SORCS2: variants seen among roughly 807,000 people sequenced by gnomAD.
SORCS2 encodes sortilin related VPS10 domain containing receptor 2.
A neutral mutation model predicts 141.6 loss-of-function variants in SORCS2; 100 were observed. The ratio of observed to expected loss-of-function variants is 0.71; its 90% confidence interval spans 0.60 to 0.83. The LOEUF is 0.83. Ranked by LOEUF, SORCS2 falls within the 40% of genes least tolerant of loss-of-function variation. The pLI, the probability that SORCS2 is intolerant of heterozygous loss-of-function variation, is 0.00. For synonymous variants in SORCS2, 789 were observed against 676.9 expected (o/e 1.17, Z -2.57); for missense variants, 1,646 against 1,560.2 (o/e 1.05, Z -0.93).
At chr4:7,370,009 A>C (rs1230243209) in intron 1 of SORCS2, among the ~76,000 whole-genome samples, 1 of 152,166 alleles carries the variant, frequency 6.6e-6, no homozygotes, top group African/African-American at 2.4e-5. Context: ...CTCCTCGATA[A>C]AATAGAGATA....
chr4:7,234,240 G>C (rs1240693515), intron 1 of SORCS2, among the ~76,000 whole-genome samples: 1 of 152,238 alleles, frequency 6.6e-6, no homozygotes, highest in African/African-American at 2.4e-5. Context: ...GCTGCCTGGG[G>C]CCGAGAATAG....
chr4:7,289,041 C>T (rs1716434383), intron 1 of SORCS2, among the ~76,000 whole-genome samples: 1 of 152,130 alleles, frequency 6.6e-6, no homozygotes, highest in African/African-American at 2.4e-5. Context: ...TCAATCATCC[C>T]TCTCCCTTGG....
At chr4:7,665,263 C>G (rs6819250) in intron 7 of SORCS2, among the ~76,000 whole-genome samples, 121,052 of 152,110 alleles carry the variant, frequency 0.8, 48,238 homozygotes, top group Admixed American at 0.85. Context: ...TACACTCAGT[C>G]TGTGCCAAGG....
chr4:7,232,120 T>C (rs981254680), intron 1 of SORCS2, among the ~76,000 whole-genome samples: 4 of 152,140 alleles, frequency 2.6e-5, no homozygotes, highest in South Asian at 2.1e-4. Flanking sequence ...CTGTCTTGCA[T>C]AGCTTGGGGC....
chr4:7,260,817 A>G (rs1021996153), intron 1 of SORCS2, among the ~76,000 whole-genome samples: 1 of 152,180 alleles, frequency 6.6e-6, no homozygotes, highest in Non-Finnish European at 1.5e-5. Context: ...AAAGCCGGGA[A>G]GACATGGTGT....
chr4:7,411,401 T>G (rs1040768377), intron 2 of SORCS2, among the ~76,000 whole-genome samples: 8 of 152,008 alleles, frequency 5.3e-5, no homozygotes, highest in Admixed American at 2.0e-4. Context: ...CTTCCCTTGC[T>G]CCCCCTTTCC....
chr4:7,665,631 C>T (rs1341908843), intron 7 of SORCS2, among the ~76,000 whole-genome samples: 1 of 152,130 alleles, frequency 6.6e-6, no homozygotes, highest in Non-Finnish European at 1.5e-5. Context: ...AGTCCAGGCC[C>T]CACTGTGTCA....
At chr4:7,373,007 T>G (rs1231365329) in intron 1 of SORCS2, among the ~76,000 whole-genome samples, 3 of 29,842 alleles carry the variant, frequency 1.0e-4, no homozygotes, top group East Asian at 5.1e-4. Context: ...GTGGTTTCTG[T>G]TTTTTTTTTT....
rs375645794 is a variant in SORCS2, at chr4:7,661,606, C to A, written c.952+42C>A. 6.2e-4 allele frequency: 956 copies of A among 1,536,158 alleles called. 1 individual carries two copies. The highest frequency in any genetic ancestry group is 7.6e-4 in the Non-Finnish European group (856 of 1,133,384). Reference sequence around the variant, plus strand: ...ACAGGCACCGGGTATCCCTGAGTCACCTCGCACCCGACACAGCTCGGCTGC... The same window carrying A: ...ACAGGCACCGGGTATCCCTGAGTCAACTCGCACCCGACACAGCTCGGCTGC... On this transcript the variant is annotated intron_variant, in intron 6 of 26. Transcript: ENST00000507866.
chr4:7,256,945 A>G (rs895599192), intron 1 of SORCS2, among the ~76,000 whole-genome samples: 3 of 151,986 alleles, frequency 2.0e-5, no homozygotes, highest in Non-Finnish European at 4.4e-5. Context: ...CATCCTTTGG[A>G]TGTAGGTGTC....
At chr4:7,550,618 G>A (rs1041047257) in intron 3 of SORCS2, among the ~76,000 whole-genome samples, 1 of 152,220 alleles carries the variant, frequency 6.6e-6, no homozygotes, top group Non-Finnish European at 1.5e-5. Context: ...TAGCCACACA[G>A]CTGCTGTTAC....
At chr4:7,532,976 T>C (rs1711786653) in intron 3 of SORCS2, among the ~76,000 whole-genome samples, 1 of 151,898 alleles carries the variant, frequency 6.6e-6, no homozygotes, top group Admixed American at 6.6e-5. Context: ...TCTCGGCGTG[T>C]AGGGAAGAGA....
At chr4:7,373,490 T>C (rs1214909998) in intron 1 of SORCS2, among the ~76,000 whole-genome samples, 1 of 76,794 alleles carries the variant, frequency 1.3e-5, no homozygotes, top group Non-Finnish European at 2.3e-5. Context: ...TTTTTTTTTT[T>C]TTTTTTTTTT....
chr4:7,369,382 T>C (rs569888106), intron 1 of SORCS2, among the ~76,000 whole-genome samples: 38 of 152,300 alleles, frequency 2.5e-4, no homozygotes, highest in African/African-American at 9.1e-4. Context: ...TATGTCTTTA[T>C]CAGCAGCATG....
chr4:7,403,810 A>C (rs1032908590), intron 2 of SORCS2, among the ~76,000 whole-genome samples: 2 of 150,144 alleles, frequency 1.3e-5, no homozygotes, highest in Admixed American at 6.6e-5. Context: ...ACATGTGTAG[A>C]TTGCATAATG....
intron 1 of SORCS2, among the ~76,000 whole-genome samples, chr4:7,293,647 C>T (rs1716760489): frequency 6.6e-6 from 1 of 152,164 alleles, no homozygotes; most frequent in South Asian, 2.1e-4. Context: ...TTTCTGTAGG[C>T]AGGGATGGCA....
chr4:7,666,947 G>A (rs772398750), intron 7 of SORCS2, among the ~76,000 whole-genome samples, 177 bp from the exon 8 acceptor site: 1 of 152,186 alleles, frequency 6.6e-6, no homozygotes, highest in Non-Finnish European at 1.5e-5. Context: ...CAGAGGAGGG[G>A]TGTTAATTTG....
At chr4:7,516,671 G>A (rs1733005089) in intron 2 of SORCS2, among the ~76,000 whole-genome samples, 1 of 152,180 alleles carries the variant, frequency 6.6e-6, no homozygotes, top group Non-Finnish European at 1.5e-5. Flanking sequence ...TGGGGAGAGG[G>A]TGCTTTCCAG....
At chr4:7,680,984 C>T (rs1409240600) in intron 9 of SORCS2, among the ~76,000 whole-genome samples, 1 of 152,224 alleles carries the variant, frequency 6.6e-6, no homozygotes, top group East Asian at 1.9e-4. Context: ...AGAGCTCACC[C>T]ACATCTGGTT....
Sources: gnomAD v4.1 joint callset for allele counts (sites outside exome capture counted in the v4.1 genomes callset) on GRCh38, gnomAD v4.1.1 for gene constraint, MANE v1.5 for transcripts, NCBI Gene and HGNC (gene_info 2026-07-23, HGNC 2026-07-21) for gene names.